Variants in DCLRE1C observed in about 807,000 individuals in gnomAD.
DCLRE1C encodes DNA cross-link repair 1C.
DCLRE1C carries 47 observed loss-of-function variants against 61.4 expected under a neutral mutation model. The observed-to-expected ratio is 0.77, with a 90% CI of 0.61 to 0.98. DCLRE1C has a LOEUF of 0.98. Among genes scored for constraint, DCLRE1C ranks in the 50% least tolerant of loss-of-function variants. The pLI, the probability that DCLRE1C is intolerant of heterozygous loss-of-function variation, is 0.00. For missense variants in DCLRE1C, 858 were observed against 816.0 expected, an observed-to-expected ratio of 1.05 and a Z score of -0.63; for synonymous variants, 337 against 287.6, an observed-to-expected ratio of 1.17 and a Z score of -1.74.
intron 1 of DCLRE1C, among the ~76,000 whole-genome samples, chr10:14,951,343 T>C (rs1842420851): frequency 8.0e-6 from 1 of 124,538 alleles, no homozygotes. Context: ...TGAGCCGAGA[T>C]CGCACCACTG....
At chr10:14,926,070 G>A (rs993956897) in intron 11 of DCLRE1C, among the ~76,000 whole-genome samples, 2 of 152,150 alleles carry the variant, frequency 1.3e-5, no homozygotes, top group African/African-American at 4.8e-5. Flanking sequence ...TAAATTCCCT[G>A]AGGCCTCCCC....
chr10:14,937,428 G>A (rs148048665), intron 4 of DCLRE1C, among the ~76,000 whole-genome samples: 4,218 of 151,838 alleles, frequency 0.028, 99 homozygotes, highest in Non-Finnish European at 0.045. Flanking sequence ...GATTATAGGC[G>A]CCTGCCATCA....
intron 13 of DCLRE1C, among the ~76,000 whole-genome samples, chr10:14,917,697 G>T (rs1314129734): frequency 1.3e-5 from 2 of 152,142 alleles, no homozygotes; most frequent in African/African-American, 4.8e-5. Context: ...GGTGGCATGT[G>T]CCTGTACTAC....
chr10:14,927,868 C>T, intron 10 of DCLRE1C, 148 bp downstream of exon 10: 1 of 474,752 alleles, frequency 2.1e-6, no homozygotes. Flanking sequence ...AGTAGCATCC[C>T]CTCCATTTAA....
intron 13 of DCLRE1C, among the ~76,000 whole-genome samples, chr10:14,912,257 T>G (rs1055282498): frequency 1.3e-5 from 2 of 152,216 alleles, no homozygotes; most frequent in Non-Finnish European, 2.9e-5. Context: ...GTTTTCACCA[T>G]GTTGGCCAGG....
Position 14,907,587 on chromosome 10 carries a change from G to C in DCLRE1C, c.*821C>G, listed in dbSNP as rs1834521295. On this transcript the variant is annotated 3_prime_UTR_variant, in exon 14 of 14. Transcript: ENST00000378278. Reference sequence around the variant, plus strand: ...GCTTCATAAATTTTTGGAGCTGTTAGGTGCATATACGTTTAGGATTATTTT... The same window carrying C: ...GCTTCATAAATTTTTGGAGCTGTTACGTGCATATACGTTTAGGATTATTTT... Among the ~76,000 whole-genome samples, 1 of 151,940 alleles carries C rather than the reference G, an allele frequency of 6.6e-6. No individual in the cohort carries two copies. The highest frequency in any genetic ancestry group is 6.6e-5 in the Admixed American group (1 of 15,252).
At chr10:14,902,735 A>G, downstream of DCLRE1C, 1 of 336,740 alleles carries the variant, frequency 3.0e-6, no homozygotes, top group South Asian at 5.4e-5. Context: ...CTTAGAGACC[A>G]AACTAATGGA....
chr10:14,914,789 CATT>C (rs1303054740), intron 13 of DCLRE1C, among the ~76,000 whole-genome samples: 1 of 151,812 alleles, frequency 6.6e-6, no homozygotes, highest in African/African-American at 2.4e-5. Context: ...AAATACAAAA[CATT>C]AGCCAGGTAT....
intron 2 of DCLRE1C, among the ~76,000 whole-genome samples, chr10:14,948,391 T>G (rs1841992053): frequency 6.6e-6 from 1 of 152,184 alleles, no homozygotes. Context: ...ATGTAGGCAA[T>G]GGCTGCAAGA....
chr10:14,913,758 T>TC (rs1835694982), intron 13 of DCLRE1C, among the ~76,000 whole-genome samples: 1 of 152,210 alleles, frequency 6.6e-6, no homozygotes, highest in African/African-American at 2.4e-5. Context: ...GAGATGATTT[T>TC]AAGTATATGG....
In DCLRE1C at chr10:14,929,788, T is replaced by A. The variant is rs879687252; in HGVS notation, c.781-1636A>T. Among the ~76,000 whole-genome samples the A allele has an allele frequency of 3.6e-4, 55 of 152,190 alleles. 1 individual carries two copies. Among genetic ancestry groups the A allele is most frequent in the Non-Finnish European group, 2.1e-4 (14 of 68,030 alleles). The stretch of plus-strand genomic sequence containing the variant: ...TTGAAATCCAGAACCTTCCAAACCA[T>A]TAACGTTCCATCCCACTCAAATTTC... On this transcript the variant is annotated intron_variant, in intron 9 of 13. Coordinates refer to ENST00000378278, the MANE Select transcript of DCLRE1C (RefSeq NM_001033855.3).
At chr10:14,952,447 G>A (rs539231715) in intron 1 of DCLRE1C, among the ~76,000 whole-genome samples, 124 of 152,264 alleles carry the variant, frequency 8.1e-4, no homozygotes, top group African/African-American at 2.9e-3. Context: ...AATTACCTGG[G>A]TGTGGTGGTG....
At position 14,906,314 on chromosome 10, in the gene DCLRE1C, A is replaced by G. The variant is rs904416728; in HGVS notation, c.*2094T>C. ...AGCATCATCAGAGTAAGCACCAAATATAATTTCTGGTAATCACTATCGGTT... is the reference window on the plus strand; with the variant it reads ...AGCATCATCAGAGTAAGCACCAAATGTAATTTCTGGTAATCACTATCGGTT... On this transcript the variant is annotated 3_prime_UTR_variant, in exon 14 of 14. Coordinates refer to ENST00000378278, the MANE Select transcript of DCLRE1C (RefSeq NM_001033855.3). Among the ~76,000 whole-genome samples the G allele has an allele frequency of 2.6e-5, 4 of 152,234 alleles. No homozygotes were observed. Among genetic ancestry groups the G allele is most frequent in the African/African-American group, 9.6e-5 (4 of 41,462 alleles).
chr10:14,915,842 A>T (rs1418944635), intron 13 of DCLRE1C, among the ~76,000 whole-genome samples: 1 of 152,206 alleles, frequency 6.6e-6, no homozygotes, highest in Non-Finnish European at 1.5e-5. Context: ...ACAAAACTCC[A>T]GATCAATATC....
chr10:14,920,973 ACT>A (rs747990969), intron 12 of DCLRE1C, among the ~76,000 whole-genome samples: 12 of 149,614 alleles, frequency 8.0e-5, no homozygotes, highest in East Asian at 2.0e-4. Context: ...ACAGAGCCAG[ACT>A]CTGTCTCAAA....
At chr10:14,904,325 T>A (rs1396861752), downstream of DCLRE1C, 1 of 146,652 alleles carries the variant, frequency 6.8e-6, no homozygotes, top group Non-Finnish European at 1.5e-5. Context: ...ATTTTTTTTT[T>A]TTTTTTTTTT....
chr10:14,903,458 C>G (rs1834156074), downstream of DCLRE1C: 1 of 152,210 alleles, frequency 6.6e-6, no homozygotes, highest in South Asian at 2.1e-4. Flanking sequence ...GCAGGTGTAA[C>G]AGTTCCTTTC....
chr10:14,927,424 C>T (rs1343882791), intron 10 of DCLRE1C, among the ~76,000 whole-genome samples: 2 of 150,588 alleles, frequency 1.3e-5, no homozygotes, highest in East Asian at 3.9e-4. Context: ...AGGGAGGGAC[C>T]TCTTGCAGAT....
Position 14,922,836 on chromosome 10 carries a change from G to T in DCLRE1C, c.1061+145C>A, listed in dbSNP as rs1044262660. 1.0e-5 allele frequency: 7 copies of T among 683,344 alleles called. No homozygotes were observed. The African/African-American group carries it at 1.3e-4, about 12-fold the overall frequency. The allele number at this position is 683,344 out of a possible 1,614,324, so 42.3% of individuals were successfully genotyped here. A position where few individuals can be genotyped will look rare whatever the true frequency, so the allele number is the denominator to read the frequency against. Reference sequence around the variant, plus strand: ...CTGTGGAACTAAAGGAAACACTCCAGGAAAAAATGGAAATGAGTATCAGTT... The same window carrying T: ...CTGTGGAACTAAAGGAAACACTCCATGAAAAAATGGAAATGAGTATCAGTT... On this transcript the variant is annotated intron_variant, in intron 12 of 13. Coordinates refer to ENST00000378278, the MANE Select transcript of DCLRE1C (RefSeq NM_001033855.3).
Sources: allele counts gnomAD v4.1 joint callset (sites outside exome capture counted in the v4.1 genomes callset), GRCh38; gene constraint gnomAD v4.1.1; transcripts MANE v1.5; gene names NCBI Gene and HGNC (gene_info 2026-07-23, HGNC 2026-07-21).